The following TBC1D16 variants were observed in gnomAD, a reference collection of about 807,000 sequenced individuals.
The protein encoded by TBC1D16 is CTD-2529O21.1.
TBC1D16 carries 58 observed loss-of-function variants against 74.7 expected under a neutral mutation model. The ratio of observed to expected loss-of-function variants is 0.78; its 90% CI spans 0.63 to 0.97. The LOEUF is 0.97. Among genes scored for constraint, TBC1D16 ranks in the 50% least tolerant of loss-of-function variants. TBC1D16 has a pLI of 0.00. For synonymous variants in TBC1D16, 493 were observed against 474.7 expected (o/e 1.04, Z -0.50); for missense variants, 1,014 against 1,079.5 (o/e 0.94, Z 0.85).
chr17:79,981,563 C>T lies in TBC1D16; in HGVS notation c.779+28597G>A, dbSNP rs12601083. Among the ~76,000 whole-genome samples the T allele has an allele frequency of 6.1e-4, 93 of 152,324 alleles. 1 individual carries two copies. Among genetic ancestry groups the T allele is most frequent in the East Asian group, 5.0e-3 (26 of 5,190 alleles). ...AAGCACGCAGAGACATATTCAAGATCGTCGGTGATAAAGAAATGCGCATGA... is the reference window on the plus strand; with the variant it reads ...AAGCACGCAGAGACATATTCAAGATTGTCGGTGATAAAGAAATGCGCATGA... On this transcript the variant is annotated intron_variant, in intron 3 of 11. Coordinates refer to ENST00000310924, the MANE Select transcript of TBC1D16 (RefSeq NM_019020.4). The surrounding 1 kb of genome is among the most constrained non-coding windows in gnomAD (Gnocchi z 6.9).
intron 3 of TBC1D16, among the ~76,000 whole-genome samples, chr17:80,003,254 A>G (rs1029498701): frequency 5.3e-5 from 8 of 152,226 alleles, no homozygotes; most frequent in African/African-American, 1.7e-4. Context: ...CAGAAACCAC[A>G]GTAACAAGTG....
intron 3 of TBC1D16, among the ~76,000 whole-genome samples, chr17:79,998,109 G>C: frequency 1.0e-5 from 1 of 97,828 alleles, no homozygotes; most frequent in East Asian, 3.2e-4. Context: ...TGGGCACAAA[G>C]AGCAAAACTC....
At chr17:79,949,946 T>C (rs890197058) in intron 6 of TBC1D16, 81 bp from the exon 7 acceptor site, 14 of 1,482,004 alleles carry the variant, frequency 9.4e-6, no homozygotes, top group Non-Finnish European at 1.3e-5. Flanking sequence ...ATGTGTGTTT[T>C]GGTGGTTTTT....
rs562895167 is a variant in TBC1D16, at chr17:79,946,726, C to T, written c.1728+919G>A. ...TCAGCTCCACCCTCACTACTTGTGA[C>T]GGGTCTGGTCCAGGAAGACCAGGTC... On this transcript the variant is annotated intron_variant, in intron 9 of 11. Coordinates refer to ENST00000310924, the MANE Select transcript of TBC1D16 (RefSeq NM_019020.4). Among the ~76,000 whole-genome samples, 12 of 152,322 alleles carry T rather than the reference C, an allele frequency of 7.9e-5. No individual in the cohort carries two copies. The South Asian group carries it at 2.1e-3, about 26-fold the overall frequency.
At chr17:80,006,024 G>C (rs754310602) in intron 3 of TBC1D16, among the ~76,000 whole-genome samples, 22 of 151,972 alleles carry the variant, frequency 1.4e-4, no homozygotes, top group South Asian at 2.1e-4. Flanking sequence ...TCTGCCCTCC[G>C]GGGGGACTCA....
intron 1 of TBC1D16, among the ~76,000 whole-genome samples, chr17:80,033,009 A>G (rs1441539770): frequency 6.6e-6 from 1 of 152,220 alleles, no homozygotes; most frequent in African/African-American, 2.4e-5. Context: ...TGTAAAGATA[A>G]GGGTACACAT....
In TBC1D16 at chr17:79,941,635, G is replaced by A. The variant is rs1272057672; in HGVS notation, c.2055+425C>T. Among the ~76,000 whole-genome samples, 2 of 152,226 alleles carry A rather than the reference G, an allele frequency of 1.3e-5. No homozygotes were observed. Among genetic ancestry groups the A allele is most frequent in the Non-Finnish European group, 2.9e-5 (2 of 68,024 alleles). On this transcript the variant is annotated intron_variant, in intron 11 of 11. Transcript: ENST00000310924. This position sits in a 1 kb window ranked among gnomAD's most constrained non-coding sequence, Gnocchi z 4.3. The stretch of plus-strand genomic sequence containing the variant: ...TCTCCAGGAGGCGTCTGGGAAGTGG[G>A]GGAGGGGGCCAAAGCCCAAGGTCCC...
At chr17:79,992,374 C>G (rs931387194) in intron 3 of TBC1D16, 17 of 152,264 alleles carry the variant, frequency 1.1e-4, no homozygotes, top group African/African-American at 4.1e-4. Context: ...CCACATCAAA[C>G]TGTGGCCGTT....
chr17:79,981,812 C>T lies in TBC1D16; in HGVS notation c.779+28348G>A, dbSNP rs984150690. Among the ~76,000 whole-genome samples, 20 of 152,238 alleles carry T rather than the reference C, an allele frequency of 1.3e-4. No homozygotes were observed. Among genetic ancestry groups the T allele is most frequent in the African/African-American group, 4.1e-4 (17 of 41,458 alleles). On this transcript the variant is annotated intron_variant, in intron 3 of 11. Coordinates refer to ENST00000310924, the MANE Select transcript of TBC1D16 (RefSeq NM_019020.4). This position sits in a 1 kb window ranked among gnomAD's most constrained non-coding sequence, Gnocchi z 6.9. ...CACGGGCACGAAGCAGACCCACATC[C>T]GTCCCTGCAGCAGCAGCCTCGGCCC...
At chr17:80,024,486 G>GAC (rs2036441886) in intron 1 of TBC1D16, among the ~76,000 whole-genome samples, 2 of 125,530 alleles carry the variant, frequency 1.6e-5, no homozygotes, top group Admixed American at 8.3e-5. Context: ...ACACACCATA[G>GAC]ACACACACCA....
Position 79,947,875 on chromosome 17 carries a change from C to T in TBC1D16, c.1542-44G>A, listed in dbSNP as rs368837243. On this transcript the variant is annotated intron_variant, in intron 8 of 11. Transcript: ENST00000310924. Reference sequence around the variant, plus strand: ...AGCAGTGGGTGGGGATGACCCTCACCGCGGCACACTGCCCAGCCTGCAGAA... The same window carrying T: ...AGCAGTGGGTGGGGATGACCCTCACTGCGGCACACTGCCCAGCCTGCAGAA... 17 of 1,548,734 alleles carry T rather than the reference C, an allele frequency of 1.1e-5. No homozygotes were observed. In the Middle Eastern group the frequency reaches 6.8e-4, roughly 62 times the overall value.
rs900594258 is a variant in TBC1D16 at position 79,950,010 on chromosome 17, A to T, written c.1258-145T>A. 11 of 1,085,490 alleles carry T rather than the reference A, an allele frequency of 1.0e-5. No individual in the cohort carries two copies. In the Admixed American group the frequency reaches 1.7e-4, roughly 16 times the overall value. The allele number at this position is 1,085,490 out of a possible 1,614,324, so 67.2% of individuals were successfully genotyped here. A position where few individuals can be genotyped will look rare whatever the true frequency, so the allele number is the denominator to read the frequency against. The stretch of plus-strand genomic sequence containing the variant: ...TTGCACATATTTACAAGGGGAAAGC[A>T]GTGGCCTTCAATTCCCATACAGGAC... On this transcript the variant is annotated intron_variant, in intron 6 of 11. Coordinates refer to ENST00000310924, the MANE Select transcript of TBC1D16 (RefSeq NM_019020.4). The surrounding 1 kb of genome is among the most constrained non-coding windows in gnomAD (Gnocchi z 4.6).
At chr17:80,032,504 A>G (rs1013479876) in intron 1 of TBC1D16, among the ~76,000 whole-genome samples, 11 of 152,190 alleles carry the variant, frequency 7.2e-5, no homozygotes, top group Admixed American at 2.0e-4. Context: ...ACGTATTTCA[A>G]ATCAGATGCC....
At chr17:79,989,364 C>T (rs2034974755) in intron 3 of TBC1D16, among the ~76,000 whole-genome samples, 1 of 152,260 alleles carries the variant, frequency 6.6e-6, no homozygotes, top group Non-Finnish European at 1.5e-5. Context: ...CCCTGGGCCT[C>T]GGGCCTGCCC....
rs1262187224 is a variant in TBC1D16, at chr17:79,983,995, G to C, written c.779+26165C>G. Among the ~76,000 whole-genome samples the C allele has an allele frequency of 6.7e-6, 1 of 149,304 alleles. No homozygotes were observed. The highest frequency in any genetic ancestry group is 2.5e-5 in the African/African-American group (1 of 40,442). On this transcript the variant is annotated intron_variant, in intron 3 of 11. Coordinates refer to ENST00000310924, the MANE Select transcript of TBC1D16 (RefSeq NM_019020.4). This position sits in a 1 kb window ranked among gnomAD's most constrained non-coding sequence, Gnocchi z 5.6. ...GATCCTCCCTCCTCAGCCTCCCTGA[G>C]TAGCTGGGACTACAGGCAGGCACCA...
intron 3 of TBC1D16, among the ~76,000 whole-genome samples, chr17:79,982,815 C>T (rs1010349269): frequency 7.9e-5 from 12 of 152,084 alleles, no homozygotes; most frequent in South Asian, 4.1e-4. Flanking sequence ...GCCGAGATCA[C>T]GTCACTGCAC....
At chr17:79,996,026 C>A (rs1329117388) in intron 3 of TBC1D16, among the ~76,000 whole-genome samples, 2 of 152,160 alleles carry the variant, frequency 1.3e-5, no homozygotes, top group East Asian at 3.9e-4. Flanking sequence ...ATAATCAACT[C>A]TCAAAACTCA....
rs2032034388 is a variant in TBC1D16 at position 79,941,889 on chromosome 17, G to A, written c.2055+171C>T. On this transcript the variant is annotated intron_variant, in intron 11 of 11. Transcript: ENST00000310924. The surrounding 1 kb of genome is among the most constrained non-coding windows in gnomAD (Gnocchi z 4.3). Reference sequence around the variant, plus strand: ...GTGCTGACCACGAGGCCTTAGTGGGGAGCCCCCAGTGCTATGGGTGGGGGA... The same window carrying A: ...GTGCTGACCACGAGGCCTTAGTGGGAAGCCCCCAGTGCTATGGGTGGGGGA... Among the ~76,000 whole-genome samples, 1 of 150,412 alleles carries A rather than the reference G, an allele frequency of 6.6e-6. No individual in the cohort carries two copies. The highest frequency in any genetic ancestry group is 2.5e-5 in the African/African-American group (1 of 39,986).
chr17:79,953,278 G>A lies in TBC1D16; in HGVS notation c.780-460C>T, dbSNP rs545423107. Among the ~76,000 whole-genome samples, 10 of 152,324 alleles carry A rather than the reference G, an allele frequency of 6.6e-5. No homozygotes were observed. In the South Asian group the frequency reaches 8.3e-4, roughly 13 times the overall value. ...ATTTTAGATAGCATGGGGCTTCCGCGTGGTTTAAACCAGCTCACTGTATTC... is the reference window on the plus strand; with the variant it reads ...ATTTTAGATAGCATGGGGCTTCCGCATGGTTTAAACCAGCTCACTGTATTC... On this transcript the variant is annotated intron_variant, in intron 3 of 11. Coordinates refer to ENST00000310924, the MANE Select transcript of TBC1D16 (RefSeq NM_019020.4).
Sources: gnomAD v4.1 joint callset for allele counts (sites outside exome capture counted in the v4.1 genomes callset) on GRCh38, gnomAD v4.1.1 for gene constraint, Gnocchi (gnomAD v3.1) non-coding constraint, MANE v1.5 for transcripts, NCBI Gene and HGNC (gene_info 2026-07-23, HGNC 2026-07-21) for gene names.